The following C8orf89 variants were observed in gnomAD, a reference collection of about 807,000 sequenced individuals.
The protein encoded by C8orf89 is putative uncharacterized protein C8orf89.
C8orf89 carries 14 observed loss-of-function variants against 15.8 expected under a neutral mutation model. The observed-to-expected ratio is 0.89, with a 90% CI of 0.59 to 1.39. The LOEUF (loss-of-function observed/expected upper bound fraction) is 1.39, where lower values mean the gene tolerates loss of function less well. C8orf89 is among the 40% of genes most tolerant of loss of function. The probability of loss-of-function intolerance (pLI) is 0.00; values close to 1 mark genes in which losing one functional copy is unlikely to be tolerated. For missense variants in C8orf89, 181 were observed against 184.5 expected, an observed-to-expected ratio of 0.98 and a Z score of 0.11; for synonymous variants, 55 against 62.2, an observed-to-expected ratio of 0.88 and a Z score of 0.54.
chr8:73,256,726 C>CAAACAAAA (rs1813395944), intron 2 of C8orf89, among the ~76,000 whole-genome samples: 1 of 43,702 alleles, frequency 2.3e-5, no homozygotes, highest in African/African-American at 7.9e-5. Context: ...GACTCTGTCT[C>CAAACAAAA]AAAAAAAAAA....
intron 2 of C8orf89, 120 bp from the exon 3 acceptor site, chr8:73,250,443 A>G (rs991861200): frequency 1.6e-6 from 1 of 615,026 alleles, no homozygotes; most frequent in Non-Finnish European, 2.7e-6. Flanking sequence ...AAGTCTTTCC[A>G]TTATAACTCA....
chr8:73,247,247 T>C (rs1296422751), intron 3 of C8orf89, among the ~76,000 whole-genome samples: 4 of 126,296 alleles, frequency 3.2e-5, no homozygotes, highest in African/African-American at 1.2e-4. Context: ...TCCAGCTCCA[T>C]CCATGTTCCT....
intron 2 of C8orf89, among the ~76,000 whole-genome samples, 175 bp downstream of exon 2, chr8:73,256,798 C>T (rs1364337818): frequency 8.2e-5 from 12 of 146,482 alleles, no homozygotes; most frequent in Non-Finnish European, 1.6e-4. Flanking sequence ...AGAAAAGTGC[C>T]GAGTTGTCAA....
intron 3 of C8orf89, among the ~76,000 whole-genome samples, chr8:73,243,971 T>A (rs950124158): frequency 2.6e-5 from 4 of 151,664 alleles, no homozygotes; most frequent in African/African-American, 9.7e-5. Flanking sequence ...TTGCACCAAC[T>A]TAATCTGATT....
chr8:73,244,813 A>G (rs1054394789), intron 3 of C8orf89, among the ~76,000 whole-genome samples: 17 of 152,200 alleles, frequency 1.1e-4, no homozygotes, highest in African/African-American at 4.1e-4. Context: ...ACCTGAAAAA[A>G]CTTCAAAGAA....
At chr8:73,282,977 A>G in the C8orf89 span, among the ~76,000 whole-genome samples, 1 of 152,232 alleles carries the variant, frequency 6.6e-6, no homozygotes, top group Non-Finnish European at 1.5e-5. Context: ...AGGATATCCA[A>G]TGGAGATATA....
upstream of C8orf89, among the ~76,000 whole-genome samples, chr8:73,263,421 T>A (rs935609676): frequency 2.0e-5 from 3 of 152,050 alleles, no homozygotes; most frequent in African/African-American, 7.2e-5. Flanking sequence ...GGCTGAGGCA[T>A]GAGAACTGCT....
intron 2 of C8orf89, among the ~76,000 whole-genome samples, chr8:73,251,839 A>G (rs77468248): frequency 0.011 from 1,645 of 152,272 alleles, 34 homozygotes; most frequent in African/African-American, 0.037. Flanking sequence ...TGCAAAGTAC[A>G]AAGTCCATCG....
At position 73,257,088 on chromosome 8, in the gene C8orf89, A is replaced by G. The variant is rs1563533153; in HGVS notation, c.166T>C (p.Cys56Arg). The G allele has an allele frequency of 1.3e-6, 2 of 1,535,442 alleles. No individual in the cohort carries two copies. Residue 56 changes from cysteine (C) to arginine (R), a missense_variant, in exon 2 of 4, where the codon TGT (cysteine) becomes CGT (arginine). Transcript: ENST00000624510. ...TAFGLEELKE[C>R]IKMPYLPGLQ... ...CCTGGTAAATATGGCATTTTGATAC[A>G]TTCCTTGAGCTCTTCTAGACCAAAT...
In C8orf89 at chr8:73,241,357, T is replaced by G; in HGVS notation, c.*100A>C. On this transcript the variant is annotated 3_prime_UTR_variant, in exon 4 of 4. Transcript: ENST00000624510. The stretch of plus-strand genomic sequence containing the variant: ...AATGTAAAATATTTATTTATTTACA[T>G]TTCCATTTTTATATAAATCATTTTG... 1.0e-6 allele frequency: 1 copy of G among 959,708 alleles called. No homozygotes were observed. Among genetic ancestry groups the G allele is most frequent in the Non-Finnish European group, 1.4e-6 (1 of 718,916 alleles). The allele number at this position is 959,708 out of a possible 1,614,324, so 59.4% of individuals were successfully genotyped here. A position where few individuals can be genotyped will look rare whatever the true frequency, so the allele number is the denominator to read the frequency against.
the C8orf89 span, among the ~76,000 whole-genome samples, chr8:73,281,635 C>CTTTG: frequency 1.7e-5 from 2 of 119,522 alleles, no homozygotes; most frequent in Non-Finnish European, 3.8e-5. Context: ...GGAAGGTTTT[C>CTTTG]TTTGTTTGTT....
the C8orf89 span, among the ~76,000 whole-genome samples, chr8:73,276,723 AT>A: frequency 2.6e-5 from 4 of 151,218 alleles, no homozygotes; most frequent in Admixed American, 6.6e-5. Context: ...CTTTTCTTAG[AT>A]TTTTGAAGAC....
the C8orf89 span, chr8:73,277,902 G>A: frequency 1.5e-6 from 1 of 682,136 alleles, no homozygotes; most frequent in South Asian, 1.4e-5. Flanking sequence ...ATATCCTCCA[G>A]GTACTCCAGT....
At position 73,257,109 on chromosome 8, in the gene C8orf89, C is replaced by T. The variant is rs1460015184; in HGVS notation, c.145G>A (p.Gly49Ser). Residue 49 changes from glycine (G) to serine (S), a missense_variant, in exon 2 of 4, where the codon GGT becomes AGT. Physicochemically the swap from Gly to Ser is moderately conservative, Grantham distance 56. Transcript: ENST00000624510. ...KIKKEYTTAF[G>S]LEELKECIKM... is the part of the protein sequence containing the mutation. Reference sequence around the variant, plus strand: ...ATACATTCCTTGAGCTCTTCTAGACCAAATGCTGTGGTATATTCTGGTTAA... The same window carrying T: ...ATACATTCCTTGAGCTCTTCTAGACTAAATGCTGTGGTATATTCTGGTTAA... 1 of 1,532,712 alleles carries T rather than the reference C, an allele frequency of 6.5e-7. No individual in the cohort carries two copies. Among genetic ancestry groups the T allele is most frequent in the Non-Finnish European group, 8.7e-7 (1 of 1,144,980 alleles). 94.9% of individuals were successfully genotyped at this position (1,532,712 alleles called of 1,614,324 possible).
chr8:73,273,381 A>G, the C8orf89 span, among the ~76,000 whole-genome samples: 2 of 152,158 alleles, frequency 1.3e-5, no homozygotes, highest in Non-Finnish European at 2.9e-5. Flanking sequence ...CTGATTTTAG[A>G]GCAAAGTTAT....
chr8:73,259,194 T>A (rs191995419), intron 1 of C8orf89, 138 bp downstream of exon 1: 131 of 539,902 alleles, frequency 2.4e-4, no homozygotes, highest in African/African-American at 2.3e-3. Context: ...TTGCTTCCAT[T>A]TTTCTTTTTC....
the C8orf89 span, among the ~76,000 whole-genome samples, chr8:73,273,257 T>C: frequency 3.9e-5 from 6 of 152,164 alleles, no homozygotes; most frequent in Non-Finnish European, 8.8e-5. Context: ...CACCCAGCCA[T>C]GGCTGCAGAC....
chr8:73,259,488 G>A lies in C8orf89; in HGVS notation c.-30C>T. ...TCTTCTTTCAACAGTGCTGATGAGA[G>A]GGAGATGCTGCTGCAGAGACAGGAC... On this transcript the variant is annotated 5_prime_UTR_variant, in exon 1 of 4. Coordinates refer to ENST00000624510, the MANE Select transcript of C8orf89 (RefSeq NM_001243237.3). The A allele has an allele frequency of 6.9e-7, 1 of 1,456,924 alleles. No homozygotes were observed. The highest frequency in any genetic ancestry group is 9.0e-7 in the Non-Finnish European group (1 of 1,107,340). 90.2% of individuals were successfully genotyped at this position (1,456,924 alleles called of 1,614,324 possible).
chr8:73,244,489 CAA>C (rs1813078247), intron 3 of C8orf89, among the ~76,000 whole-genome samples: 2 of 152,126 alleles, frequency 1.3e-5, no homozygotes, highest in Non-Finnish European at 2.9e-5. Flanking sequence ...ATACAATATA[CAA>C]ATATGTAGAA....
Sources: gnomAD v4.1 joint callset for allele counts (sites outside exome capture counted in the v4.1 genomes callset) on GRCh38, gnomAD v4.1.1 for gene constraint, MANE v1.5 for transcripts, NCBI Gene and HGNC (gene_info 2026-07-23, HGNC 2026-07-21) for gene names.